ATG16L1: variants seen among roughly 807,000 people sequenced by gnomAD.
ATG16L1 encodes the protein autophagy-related protein 16-1.
Under a neutral mutation model 88.5 loss-of-function variants are expected in ATG16L1, and 37 were observed. That is an observed-to-expected ratio of 0.42 (90% confidence interval 0.32 to 0.55). ATG16L1 has a LOEUF of 0.55. Ranked by LOEUF, ATG16L1 falls within the 20% of genes least tolerant of loss-of-function variation. The probability of loss-of-function intolerance (pLI) is 0.13; values close to 1 mark genes in which losing one functional copy is unlikely to be tolerated. For missense variants in ATG16L1, 554 were observed against 752.8 expected (o/e 0.74, Z 3.09); for synonymous variants, 301 against 281.0 (o/e 1.07, Z -0.71).
rs968522576 is a variant in ATG16L1, at chr2:233,251,713, G to T, written c.-115G>T. On this transcript the variant is annotated 5_prime_UTR_variant, in exon 1 of 18. It adds an upstream start codon to the 5' untranslated region. Transcript: ENST00000392017. The stretch of plus-strand genomic sequence containing the variant: ...GCCTCGGGGACTGCCAGTGTGTGGA[G>T]GTGAGCTCCGGGATTGCCGGCATTC... 5.5e-6 allele frequency: 5 copies of T among 911,736 alleles called. No homozygotes were observed. Among genetic ancestry groups the T allele is most frequent in the Admixed American group, 4.1e-5 (2 of 49,134 alleles). The allele number at this position is 911,736 out of a possible 1,614,324, so 56.5% of individuals were successfully genotyped here.
chr2:233,264,198 A>G (rs1307981314), intron 4 of ATG16L1, 133 bp downstream of exon 4: 9 of 843,784 alleles, frequency 1.1e-5, no homozygotes, highest in Non-Finnish European at 1.5e-5. Flanking sequence ...TTTTCAGTGC[A>G]TACACACTCT....
At chr2:233,259,711 G>A (rs78528693) in intron 2 of ATG16L1, among the ~76,000 whole-genome samples, 2 of 151,950 alleles carry the variant, frequency 1.3e-5, no homozygotes, top group Non-Finnish European at 2.9e-5. Flanking sequence ...TCACAGTATC[G>A]TTGTTTTCCA....
At position 233,290,324 on chromosome 2, in the gene ATG16L1, T is replaced by G; in HGVS notation, c.1401T>G (p.Phe467Leu). ...AGCAATGTGTAATGAGTGGACATTT[T>G]GACAAGAAAATTCGTTTCTGGGACA... ...CTEQCVMSGH[F>L]DKKIRFWDIR... Residue 467 changes from phenylalanine to leucine, a missense_variant, in exon 14 of 18, where the codon TTT becomes TTG. This residue lies in a region of ATG16L1 where 370 missense variants were observed against 509.7 expected (regional missense o/e 0.73). Coordinates refer to ENST00000392017, the MANE Select transcript of ATG16L1 (RefSeq NM_030803.7). 6.2e-7 allele frequency: 1 copy of G among 1,614,206 alleles called. No individual in the cohort carries two copies. The highest frequency in any genetic ancestry group is 8.5e-7 in the Non-Finnish European group (1 of 1,180,022).
rs550174901 is a variant in ATG16L1 at position 233,294,946 on chromosome 2, C to A, written c.*596C>A. On this transcript the variant is annotated 3_prime_UTR_variant, in exon 18 of 18. Coordinates refer to ENST00000392017, the MANE Select transcript of ATG16L1 (RefSeq NM_030803.7). ...CTGGCTCTCTTTCCCCCACAAAATT[C>A]GACATATTTAAAAATCTCCGTGTGG... The A allele has an allele frequency of 6.6e-6, 1 of 152,396 alleles. No individual in the cohort carries two copies. The highest frequency in any genetic ancestry group is 1.5e-5 in the Non-Finnish European group (1 of 68,036). 9.4% of individuals were successfully genotyped at this position (152,396 alleles called of 1,614,324 possible).
rs1417328162 is a variant in ATG16L1 at position 233,292,390 on chromosome 2, A to C, written c.1584A>C (p.Ala528=). The C allele has an allele frequency of 1.2e-6, 2 of 1,613,530 alleles. No homozygotes were observed. Among genetic ancestry groups the C allele is most frequent in the Non-Finnish European group, 1.7e-6 (2 of 1,179,998 alleles). The stretch of plus-strand genomic sequence containing the variant: ...AGTGCCCTGTTGTTTGTTTCAGTGC[A>C]CCTGGGTTCAAGTGCGGCTCTGACT... ...RTNAIKQTFS[A]PGFKCGSDWT... is the part of the protein sequence containing the mutation. The change falls in exon 16 of 18, where the codon GCA becomes GCC. Residue 528 remains alanine, a synonymous_variant. Coordinates refer to ENST00000392017, the MANE Select transcript of ATG16L1 (RefSeq NM_030803.7).
chr2:233,284,749 C>T (rs1393335637), intron 12 of ATG16L1, among the ~76,000 whole-genome samples: 2 of 152,204 alleles, frequency 1.3e-5, no homozygotes, highest in African/African-American at 4.8e-5. Flanking sequence ...GGATTACAGG[C>T]ATGCACCACC....
chr2:233,253,099 G>A (rs1413661264), intron 1 of ATG16L1, among the ~76,000 whole-genome samples: 1 of 152,182 alleles, frequency 6.6e-6, no homozygotes, highest in Admixed American at 6.5e-5. Flanking sequence ...GTGTTTGTGT[G>A]AGATTAAGCC....
chr2:233,261,347 G>C lies in ATG16L1; in HGVS notation c.210-1783G>C, dbSNP rs1401337278. 2.6e-5 allele frequency among the ~76,000 whole-genome samples: 4 copies of C among 152,158 alleles called. No individual in the cohort carries two copies. In the East Asian group the frequency reaches 7.7e-4, roughly 29 times the overall value. On this transcript the variant is annotated intron_variant, in intron 2 of 17. Transcript: ENST00000392017. ...CTTACATGCTTGAGTCCAGGAGTTCGAGGCCAGCCAGGGCAACATAGTGAG... is the reference window on the plus strand; with the variant it reads ...CTTACATGCTTGAGTCCAGGAGTTCCAGGCCAGCCAGGGCAACATAGTGAG...
chr2:233,270,041 A>G lies in ATG16L1; in HGVS notation c.681A>G (p.Ala227=), dbSNP rs1368042913. 1 of 1,590,674 alleles carries G rather than the reference A, an allele frequency of 6.3e-7. No homozygotes were observed. ...GGCTGCAGAAAGAGCTTGCAGAAGC[A>G]GCAAAGGAACCTCTACCAGTCGAAC... ...QARLQKELAE[A]AKEPLPVEQD... is the part of the protein sequence containing the mutation. The change falls in exon 6 of 18, where the codon GCA becomes GCG. Residue 227 remains alanine, a synonymous_variant. Coordinates refer to ENST00000392017, the MANE Select transcript of ATG16L1 (RefSeq NM_030803.7).
At position 233,282,670 on chromosome 2, in the gene ATG16L1, T is replaced by C. The variant is rs771027366; in HGVS notation, c.1132-12T>C. The C allele has an allele frequency of 5.0e-6, 8 of 1,613,568 alleles. No individual in the cohort carries two copies. The East Asian group carries it at 1.8e-4, about 36-fold the overall frequency. ...GGCTAAAAATTGGTTTTCCTCTTCT[T>C]TATTCCCACAGGGATCTTACCTCTT... is the stretch of plus-strand genomic sequence containing the variant. On this transcript the variant is annotated splice_polypyrimidine_tract_variant and intron_variant, in intron 11 of 17. Coordinates refer to ENST00000392017, the MANE Select transcript of ATG16L1 (RefSeq NM_030803.7).
In ATG16L1 at chr2:233,282,669, T is replaced by C. The variant is rs1698798222; in HGVS notation, c.1132-13T>C. 1 of 1,613,508 alleles carries C rather than the reference T, an allele frequency of 6.2e-7. No individual in the cohort carries two copies. Among genetic ancestry groups the C allele is most frequent in the African/African-American group, 1.3e-5 (1 of 74,918 alleles). ...TGGCTAAAAATTGGTTTTCCTCTTC[T>C]TTATTCCCACAGGGATCTTACCTCT... On this transcript the variant is annotated splice_polypyrimidine_tract_variant and intron_variant, in intron 11 of 17. Coordinates refer to ENST00000392017, the MANE Select transcript of ATG16L1 (RefSeq NM_030803.7).
At chr2:233,277,421 G>T in intron 9 of ATG16L1, 147 bp from the exon 10 acceptor site, 1 of 646,246 alleles carries the variant, frequency 1.5e-6, no homozygotes, top group Middle Eastern at 2.6e-4. Context: ...AGTTGACCTG[G>T]GCTAGGAGTC....
chr2:233,293,163 A>G (rs1699577305), intron 16 of ATG16L1, 93 bp from the exon 17 acceptor site: 1 of 1,110,744 alleles, frequency 9.0e-7, no homozygotes, highest in Admixed American at 1.8e-5. Context: ...TCATCAGTGA[A>G]GAACAAACAT....
chr2:233,269,977 G>A, intron 5 of ATG16L1, 25 bp from the exon 6 acceptor site: 1 of 1,470,990 alleles, frequency 6.8e-7, no homozygotes, highest in East Asian at 2.3e-5. Context: ...TAAATGGTGG[G>A]CTTTTTTTTT....
Position 233,292,125 on chromosome 2 carries a change from T to G in ATG16L1, c.1431-3T>G. 1 of 1,614,136 alleles carries G rather than the reference T, an allele frequency of 6.2e-7. No individual in the cohort carries two copies. Among genetic ancestry groups the G allele is most frequent in the Non-Finnish European group, 8.5e-7 (1 of 1,179,992 alleles). On this transcript the variant is annotated splice_polypyrimidine_tract_variant and splice_region_variant and intron_variant, in intron 14 of 17. Transcript: ENST00000392017. ...CATTTCTCAGATCTGTTCTCCCTCT[T>G]AGATCAGAGAGCATAGTTCGAGAGA...
chr2:233,270,029 G>T lies in ATG16L1; in HGVS notation c.669G>T (p.Glu223Asp), dbSNP rs757941723. The T allele has an allele frequency of 1.3e-6, 2 of 1,587,536 alleles. No homozygotes were observed. Among genetic ancestry groups the T allele is most frequent in the South Asian group, 1.2e-5 (1 of 85,496 alleles). Residue 223 changes from glutamate (E) to aspartate (D), a missense_variant, in exon 6 of 18, where the codon GAG (glutamate) becomes GAT (aspartate). Physicochemically the swap from Glu to Asp is conservative, Grantham distance 45. Around this residue, in one of 5 missense-constraint regions of ATG16L1, gnomAD observed 370 missense variants for 509.7 expected, o/e 0.73. Coordinates refer to ENST00000392017, the MANE Select transcript of ATG16L1 (RefSeq NM_030803.7). ...GGCGGCAAGCCCGGCTGCAGAAAGA[G>T]CTTGCAGAAGCAGCAAAGGAACCTC... ...SRRRQARLQK[E>D]LAEAAKEPLP...
At chr2:233,262,760 A>C (rs1697306620) in intron 2 of ATG16L1, among the ~76,000 whole-genome samples, 1 of 152,196 alleles carries the variant, frequency 6.6e-6, no homozygotes, top group Non-Finnish European at 1.5e-5. Context: ...ACGTGCTCTC[A>C]GTTGACTGTC....
chr2:233,258,271 TTGGTGATTTATGG>T (rs1162372103), intron 2 of ATG16L1, among the ~76,000 whole-genome samples: 1 of 152,122 alleles, frequency 6.6e-6, no homozygotes, highest in Non-Finnish European at 1.5e-5. Flanking sequence ...AAAAACAAGG[TTGGTGATTTATGG>T]TGTCTAGAAA....
intron 5 of ATG16L1, among the ~76,000 whole-genome samples, chr2:233,269,468 G>T (rs1333286315): frequency 6.6e-6 from 1 of 152,154 alleles, no homozygotes; most frequent in Admixed American, 6.5e-5. Flanking sequence ...ACTCATTGGA[G>T]CACTTCAGAT....
Sources: gnomAD v4.1 joint callset for allele counts (sites outside exome capture counted in the v4.1 genomes callset) on GRCh38, gnomAD v4.1.1 for gene constraint, gnomAD v4.1.1 regional missense constraint, MANE v1.5 for transcripts, NCBI Gene and HGNC (gene_info 2026-07-23, HGNC 2026-07-21) for gene names.